The following BTBD9 variants were observed in gnomAD, a reference collection of about 807,000 sequenced individuals.
The protein encoded by BTBD9 is BTB domain containing 9, also known as BTB/POZ domain-containing protein 9.
A neutral mutation model predicts 64.3 loss-of-function variants in BTBD9; 49 were observed. That is an observed-to-expected ratio of 0.76 (90% CI 0.61 to 0.97). The LOEUF (loss-of-function observed/expected upper bound fraction) is 0.97. Ranked by LOEUF, BTBD9 falls within the 50% of genes least tolerant of loss-of-function variation. BTBD9 has a pLI of 0.00. For synonymous variants in BTBD9, 260 were observed against 274.7 expected (o/e 0.95, Z 0.53); for missense variants, 598 against 762.1 (o/e 0.78, Z 2.53).
chr6:38,254,740 A>G (rs1321964714), intron 9 of BTBD9, among the ~76,000 whole-genome samples: 2 of 152,234 alleles, frequency 1.3e-5, no homozygotes, highest in Non-Finnish European at 1.5e-5. Context: ...TAGGATGGCT[A>G]TGGTCAAAAA....
intron 6 of BTBD9, among the ~76,000 whole-genome samples, chr6:38,449,040 G>A (rs13215683): frequency 0.1 from 15,640 of 152,152 alleles, 859 homozygotes; most frequent in African/African-American, 0.13. Context: ...TGCACTCAGA[G>A]GCAAGTGTTT....
chr6:38,180,637 G>A (rs11756830), intron 10 of BTBD9, among the ~76,000 whole-genome samples: 12 of 151,984 alleles, frequency 7.9e-5, no homozygotes, highest in South Asian at 2.1e-4. Context: ...TGGAAAGGAC[G>A]TGACCAAATG....
At chr6:38,625,690 A>G (rs1451222648) in intron 1 of BTBD9, among the ~76,000 whole-genome samples, 1 of 152,234 alleles carries the variant, frequency 6.6e-6, no homozygotes, top group Non-Finnish European at 1.5e-5. Flanking sequence ...CAAGCATCAT[A>G]ACTATGACTT....
chr6:38,212,101 T>A (rs547848107), intron 9 of BTBD9, among the ~76,000 whole-genome samples: 6 of 152,050 alleles, frequency 3.9e-5, no homozygotes, highest in African/African-American at 7.2e-5. Context: ...GGCTGTGGGG[T>A]CCTGTCCTTG....
intron 6 of BTBD9, among the ~76,000 whole-genome samples, chr6:38,376,761 T>G (rs1361761028): frequency 6.6e-6 from 1 of 152,190 alleles, no homozygotes; most frequent in Admixed American, 6.5e-5. Context: ...GTCTAAATAC[T>G]CTGGGTACTC....
In BTBD9 at chr6:38,438,208, G is replaced by A. The variant is rs939142731; in HGVS notation, c.1155-93115C>T. Among the ~76,000 whole-genome samples the A allele has an allele frequency of 4.1e-3, 184 of 44,392 alleles. 5 individuals are homozygous for A. The highest frequency in any genetic ancestry group is 0.019 in the African/African-American group (156 of 8,272). The allele number at this position is 44,392 out of a possible 152,430, so 29.1% of individuals were successfully genotyped here. Reference sequence around the variant, plus strand: ...GGAAGGAGGAAAGGAGGAAAGGAAGGAGGGAGGGAGGGAGGGAGGGAGGGA... The same window carrying A: ...GGAAGGAGGAAAGGAGGAAAGGAAGAAGGGAGGGAGGGAGGGAGGGAGGGA... On this transcript the variant is annotated intron_variant, in intron 6 of 10. Transcript: ENST00000481247.
chr6:38,580,616 C>T (rs966219040), intron 4 of BTBD9, among the ~76,000 whole-genome samples, 179 bp from the exon 5 acceptor site: 1 of 152,182 alleles, frequency 6.6e-6, no homozygotes, highest in Non-Finnish European at 1.5e-5. Flanking sequence ...CATTCAGAGG[C>T]CGGGTGCAGT....
Position 38,228,351 on chromosome 6 carries a change from C to CAAAA in BTBD9, c.1562+28054_1562+28057dup, listed in dbSNP as rs1554130232. Among the ~76,000 whole-genome samples, 5 of 28,298 alleles carry CAAAA rather than the reference C, an allele frequency of 1.8e-4. No individual in the cohort carries two copies. In the East Asian group the frequency reaches 2.3e-3, roughly 13 times the overall value. 18.6% of individuals were successfully genotyped at this position (28,298 alleles called of 152,430 possible). On this transcript the variant is annotated intron_variant, in intron 9 of 10. Transcript: ENST00000481247. ...CAGGGCAAGACCCTGTCCCCCCCCC[C>CAAAA]AAAAAAAAAAAAAAAAAAAGAGAGA... is the stretch of plus-strand genomic sequence containing the variant.
intron 6 of BTBD9, among the ~76,000 whole-genome samples, chr6:38,449,316 A>G (rs1046287672): frequency 1.3e-5 from 2 of 152,216 alleles, no homozygotes; most frequent in Admixed American, 1.3e-4. Context: ...AGACAAAGCA[A>G]TCTTGAGCAA....
intron 6 of BTBD9, among the ~76,000 whole-genome samples, chr6:38,509,335 C>T (rs1772677803): frequency 6.6e-6 from 1 of 152,212 alleles, no homozygotes; most frequent in South Asian, 2.1e-4. Context: ...TTCTTTGCTA[C>T]TGCTAAACAA....
intron 6 of BTBD9, among the ~76,000 whole-genome samples, chr6:38,458,464 C>G (rs1181700915): frequency 6.6e-6 from 1 of 152,184 alleles, no homozygotes; most frequent in Non-Finnish European, 1.5e-5. Flanking sequence ...AAATAGCCTT[C>G]CCTAAAAGGC....
intron 4 of BTBD9, among the ~76,000 whole-genome samples, chr6:38,592,305 A>T (rs569534196): frequency 2.6e-5 from 4 of 152,172 alleles, no homozygotes; most frequent in Admixed American, 2.6e-4. Context: ...GCTTTTTAGG[A>T]AAGTGTCCAT....
chr6:38,329,560 TG>T (rs1238707124), intron 7 of BTBD9, among the ~76,000 whole-genome samples: 1 of 151,986 alleles, frequency 6.6e-6, no homozygotes, highest in Non-Finnish European at 1.5e-5. Context: ...TGACCTCAAG[TG>T]ATCTGCCCGA....
At chr6:38,261,195 G>C (rs1002542963) in intron 8 of BTBD9, among the ~76,000 whole-genome samples, 2 of 151,820 alleles carry the variant, frequency 1.3e-5, no homozygotes, top group Non-Finnish European at 2.9e-5. Context: ...CAAAGTGTTG[G>C]GATTAAAAGC....
At chr6:38,256,558 A>C in intron 8 of BTBD9, 42 bp from the exon 9 acceptor site, 1 of 1,435,598 alleles carries the variant, frequency 7.0e-7, no homozygotes, top group Non-Finnish European at 9.8e-7. Context: ...AAATGTTTTA[A>C]CTGGTTGTTT....
At chr6:38,207,202 TG>T in intron 9 of BTBD9, 1 of 184,358 alleles carries the variant, frequency 5.4e-6, no homozygotes, top group Non-Finnish European at 1.2e-5. Flanking sequence ...AGCTGGGGGA[TG>T]GGGGATGGGG....
chr6:38,175,070 G>A lies in BTBD9; in HGVS notation c.1754C>T (p.Ser585Phe). ...GCCACTAGGCGCCCGCAGCGCATGG[G>A]AGTCGAGCTGCTGACCGGCCAGGCT... Reference protein sequence around the residue: ...DTSLAGQQLDSHALRAPSGSS... With the variant: ...DTSLAGQQLDFHALRAPSGSS... The change falls in exon 11 of 11, where the codon TCC becomes TTC. Residue 585 changes from serine (S) to phenylalanine (F), a missense_variant. Coordinates refer to ENST00000481247, the MANE Select transcript of BTBD9 (RefSeq NM_001099272.2). 6.2e-7 allele frequency: 1 copy of A among 1,614,250 alleles called. No individual in the cohort carries two copies. Among genetic ancestry groups the A allele is most frequent in the Non-Finnish European group, 8.5e-7 (1 of 1,180,056 alleles).
chr6:38,631,552 T>A (rs1001536607), intron 1 of BTBD9, among the ~76,000 whole-genome samples: 2 of 152,218 alleles, frequency 1.3e-5, no homozygotes, highest in Non-Finnish European at 2.9e-5. Context: ...TTGCTCTGGA[T>A]GAAGCTAGCT....
intron 7 of BTBD9, among the ~76,000 whole-genome samples, chr6:38,302,192 C>A (rs765802007): frequency 6.6e-6 from 1 of 152,050 alleles, no homozygotes; most frequent in Non-Finnish European, 1.5e-5. Flanking sequence ...TAACCACAGT[C>A]AACCTACTGT....
Sources: allele counts gnomAD v4.1 joint callset (sites outside exome capture counted in the v4.1 genomes callset), GRCh38; gene constraint gnomAD v4.1.1; transcripts MANE v1.5; gene names NCBI Gene and HGNC (gene_info 2026-07-23, HGNC 2026-07-21).